Variants in ARVCF observed in about 807,000 individuals in gnomAD.
The protein encoded by ARVCF is ARVCF delta catenin family member.
A neutral mutation model predicts 90.9 loss-of-function variants in ARVCF; 66 were observed. The observed-to-expected ratio is 0.73, with a 90% CI of 0.60 to 0.89. The LOEUF is 0.89. Ranked by LOEUF, ARVCF falls within the 40% of genes least tolerant of loss-of-function variation. The pLI, the probability that ARVCF is intolerant of heterozygous loss-of-function variation, is 0.00. For missense variants in ARVCF, 1,469 were observed against 1,382.3 expected (o/e 1.06, Z -1.00); for synonymous variants, 653 against 603.4 (o/e 1.08, Z -1.21).
intron 11 of ARVCF, 188 bp from the exon 12 acceptor site, chr22:19,974,427 G>C (rs1836143310): frequency 2.9e-6 from 2 of 694,550 alleles, no homozygotes; most frequent in African/African-American, 3.6e-5. Flanking sequence ...CCATTTCACA[G>C]AGGAACAAAC....
At position 19,981,769 on chromosome 22, in the gene ARVCF, G is replaced by C. The variant is rs779297348; in HGVS notation, c.370-32C>G. 8 of 1,550,256 alleles carry C rather than the reference G, an allele frequency of 5.2e-6. No individual in the cohort carries two copies. In the South Asian group the frequency reaches 9.8e-5, roughly 19 times the overall value. On this transcript the variant is annotated intron_variant, in intron 4 of 19. Coordinates refer to ENST00000263207, the MANE Select transcript of ARVCF (RefSeq NM_001670.3). ...GATGGATAGGCAGGTAGGTGGGGTA[G>C]CACGAGAGGCCTAGAAACTGCTTTG...
chr22:19,983,917 G>C (rs1314564896), intron 3 of ARVCF, among the ~76,000 whole-genome samples: 1 of 152,216 alleles, frequency 6.6e-6, no homozygotes, highest in African/African-American at 2.4e-5. Flanking sequence ...TGGGGAGCTG[G>C]GACTGCTCTG....
intron 1 of ARVCF, among the ~76,000 whole-genome samples, chr22:20,012,088 C>CT (rs934453463): frequency 1.6e-4 from 22 of 139,130 alleles, no homozygotes; most frequent in Admixed American, 5.0e-4. Context: ...GTCCCCCCCC[C>CT]CCACCCAGTT....
downstream of ARVCF, among the ~76,000 whole-genome samples, chr22:19,968,109 G>T (rs1381572131): frequency 6.6e-6 from 1 of 152,168 alleles, no homozygotes; most frequent in Non-Finnish European, 1.5e-5. Flanking sequence ...GGTCACCCTG[G>T]TCAGGCCAAT....
At chr22:19,993,806 G>A (rs984492844) in intron 2 of ARVCF, among the ~76,000 whole-genome samples, 5 of 152,216 alleles carry the variant, frequency 3.3e-5, no homozygotes, top group Non-Finnish European at 4.4e-5. Context: ...ACTGAAGGGG[G>A]GCTGGAAAGG....
rs571181555 is a variant in ARVCF, at chr22:19,976,790, C to G, written c.1871-67G>C. ...GAACAGGCAGCACTCATCACCCCCC[C>G]ATGCCCTCCCGGAAGCCTCAGGTTC... On this transcript the variant is annotated intron_variant, in intron 9 of 19. Coordinates refer to ENST00000263207, the MANE Select transcript of ARVCF (RefSeq NM_001670.3). 16 of 1,534,782 alleles carry G rather than the reference C, an allele frequency of 1.0e-5. No homozygotes were observed. The East Asian group carries it at 1.5e-4, about 14-fold the overall frequency.
Position 19,972,924 on chromosome 22 carries a change from C to A in ARVCF, c.2550+1G>T, listed in dbSNP as rs774363381. 3 of 1,613,740 alleles carry A rather than the reference C, an allele frequency of 1.9e-6. No individual in the cohort carries two copies. The Admixed American group carries it at 5.0e-5, about 27-fold the overall frequency. Reference sequence around the variant, plus strand: ...TGGAAGGAAGGCCAGGGAAGCCGCACCTGGAAGCGCGCCTTGGTCCAACCA... The same window carrying A: ...TGGAAGGAAGGCCAGGGAAGCCGCAACTGGAAGCGCGCCTTGGTCCAACCA... On this transcript the variant is annotated splice_donor_variant, in intron 15 of 19. Transcript: ENST00000263207. LOFTEE classifies it high-confidence loss of function.
At chr22:19,979,664 G>C (rs555754567) in intron 6 of ARVCF, 79 bp downstream of exon 6, 1 of 1,478,256 alleles carries the variant, frequency 6.8e-7, no homozygotes, top group Non-Finnish European at 9.0e-7. Flanking sequence ...GTCGCAGGCC[G>C]AGTGGCCTCG....
rs770947787 is a variant in ARVCF at position 19,974,114 on chromosome 22, T to C, written c.2086A>G (p.Met696Val). The C allele has an allele frequency of 6.2e-7, 1 of 1,609,232 alleles. No individual in the cohort carries two copies. The highest frequency in any genetic ancestry group is 8.5e-7 in the Non-Finnish European group (1 of 1,178,052). The change falls in exon 12 of 20, where the codon ATG (methionine) becomes GTG (valine). Residue 696 changes from methionine (M) to valine (V), a missense_variant and splice_region_variant. Physicochemically the swap from Met to Val is conservative, Grantham distance 21. Transcript: ENST00000263207. ...CCCTGCCCGACCTGGTCCCTCACCA[T>C]CCAGTTGCCGGCACTGAGGTTCTGC... ...ALQNLSAGNW[M>V]WATYIRATVR...
chr22:20,014,009 A>G (rs931129982), intron 1 of ARVCF, among the ~76,000 whole-genome samples: 1 of 151,776 alleles, frequency 6.6e-6, no homozygotes, highest in South Asian at 2.1e-4. Context: ...AGCAGCTGGG[A>G]TTACAGGCAT....
downstream of ARVCF, chr22:19,967,021 A>G: frequency 8.3e-7 from 1 of 1,200,112 alleles, no homozygotes; most frequent in Admixed American, 3.6e-5. Context: ...GGAGGCTTGC[A>G]GTGTCGGGCG....
At chr22:19,966,450 A>G (rs971722603), downstream of ARVCF, among the ~76,000 whole-genome samples, 105 of 151,492 alleles carry the variant, frequency 6.9e-4, 1 homozygote, top group Non-Finnish European at 1.4e-3. Context: ...AAAAAAAAAA[A>G]AAAAAGAAAA....
rs906092708 is a variant in ARVCF at position 19,976,673 on chromosome 22, C to G, written c.1888+33G>C. On this transcript the variant is annotated intron_variant, in intron 10 of 19. Coordinates refer to ENST00000263207, the MANE Select transcript of ARVCF (RefSeq NM_001670.3). ...CTTCCCAGGTACCCACTGCACACGC[C>G]AGGCCTGGAGAGCAGGATAAAAAGG... 26 of 1,553,384 alleles carry G rather than the reference C, an allele frequency of 1.7e-5. No individual in the cohort carries two copies. In the Admixed American group the frequency reaches 4.3e-4, roughly 26 times the overall value.
At chr22:19,998,412 T>A (rs899582186) in intron 2 of ARVCF, among the ~76,000 whole-genome samples, 4 of 150,990 alleles carry the variant, frequency 2.6e-5, no homozygotes, top group Non-Finnish European at 5.9e-5. Context: ...CCCTGGGGGG[T>A]AAAGCAGGGC....
At chr22:19,969,793 C>T, downstream of ARVCF, 1 of 975,358 alleles carries the variant, frequency 1.0e-6, no homozygotes, top group African/African-American at 1.8e-5. Flanking sequence ...AGATGGGCAC[C>T]TGGGACCACC....
rs34687532 is a variant in ARVCF at position 19,971,942 on chromosome 22, G to A, written c.2725C>T (p.Arg909Trp). The A allele has an allele frequency of 1.0e-3, 1,658 of 1,612,262 alleles. 2 individuals are homozygous for A. Among genetic ancestry groups the A allele is most frequent in the Non-Finnish European group, 1.3e-3 (1,526 of 1,179,438 alleles). ...DGYSTVDRRE[R>W]RPRGASSAGE... ...GCAGAGCTGGCGCCCCGTGGCCTCC[G>A]CTCCCTCCGGTCCACCGTGGAGTAT... is the stretch of plus-strand genomic sequence containing the variant. The change falls in exon 18 of 20, where the codon CGG (arginine) becomes TGG (tryptophan). Residue 909 changes from arginine to tryptophan, a missense_variant. Arg to Trp is a moderately radical substitution (Grantham distance 101). Transcript: ENST00000263207.
chr22:20,004,151 T>A (rs908222339), intron 2 of ARVCF, among the ~76,000 whole-genome samples: 4 of 152,042 alleles, frequency 2.6e-5, no homozygotes, highest in African/African-American at 9.7e-5. Flanking sequence ...GAATACATAA[T>A]ACTAAACTTA....
chr22:19,970,656 G>A lies in ARVCF; in HGVS notation c.*100C>T, dbSNP rs553470676. ...GAGGCGCTGCCAACCCCTGCCGCCAGGGGGCTCCAAGCTCCACGGCACGAT... is the reference window on the plus strand; with the variant it reads ...GAGGCGCTGCCAACCCCTGCCGCCAAGGGGCTCCAAGCTCCACGGCACGAT... On this transcript the variant is annotated 3_prime_UTR_variant, in exon 20 of 20. Transcript: ENST00000263207. 3 of 1,284,472 alleles carry A rather than the reference G, an allele frequency of 2.3e-6. No homozygotes were observed. The highest frequency in any genetic ancestry group is 5.6e-5 in the East Asian group (1 of 17,808). The allele number at this position is 1,284,472 out of a possible 1,614,324, so 79.6% of individuals were successfully genotyped here.
intron 2 of ARVCF, among the ~76,000 whole-genome samples, chr22:20,003,195 G>A (rs951429279): frequency 1.3e-5 from 2 of 152,110 alleles, no homozygotes; most frequent in African/African-American, 4.8e-5. Flanking sequence ...AGAAAACATT[G>A]ATTAGATTTA....
Sources: gnomAD v4.1 joint callset for allele counts (sites outside exome capture counted in the v4.1 genomes callset) on GRCh38, gnomAD v4.1.1 for gene constraint, MANE v1.5 for transcripts, NCBI Gene and HGNC (gene_info 2026-07-23, HGNC 2026-07-21) for gene names.